FDFT1: variants seen among roughly 807,000 people sequenced by gnomAD.
The protein encoded by FDFT1 is squalene synthase.
A neutral mutation model predicts 46.8 loss-of-function variants in FDFT1; 68 were observed. That is an observed-to-expected ratio of 1.45 (90% CI 1.19 to 1.78). The LOEUF (loss-of-function observed/expected upper bound fraction) is 1.78, where lower values mean the gene tolerates loss of function less well. Ranked by LOEUF, FDFT1 falls within the 40% of genes most tolerant of loss-of-function variation. The pLI, the probability that FDFT1 is intolerant of heterozygous loss-of-function variation, is 0.00. For synonymous variants in FDFT1, 351 were observed against 185.1 expected, an observed-to-expected ratio of 1.90 and a Z score of -7.28; for missense variants, 928 against 524.4, an observed-to-expected ratio of 1.77 and a Z score of -7.52.
chr8:11,808,269 C>A (rs988736500), intron 1 of FDFT1: 5 of 1,215,102 alleles, frequency 4.1e-6, no homozygotes, highest in Non-Finnish European at 5.1e-6. Context: ...GGAGGACGAG[C>A]GAGCCGCTCG....
At chr8:11,806,456 A>G (rs1806846768) in intron 1 of FDFT1, among the ~76,000 whole-genome samples, 1 of 152,196 alleles carries the variant, frequency 6.6e-6, no homozygotes, top group African/African-American at 2.4e-5. Context: ...AGGTGACAGG[A>G]AAAAGAGCAG....
chr8:11,830,220 T>A, intron 5 of FDFT1, 24 bp from the exon 6 acceptor site: 2 of 1,594,692 alleles, frequency 1.3e-6, no homozygotes, highest in Admixed American at 1.7e-5. Context: ...GCTGACCTGT[T>A]CCTTAATCTT....
intron 7 of FDFT1, among the ~76,000 whole-genome samples, chr8:11,833,406 A>G (rs1293316): frequency 0.19 from 29,300 of 152,202 alleles, 3,272 homozygotes; most frequent in Middle Eastern, 0.28. Flanking sequence ...TGCTATATTA[A>G]GCACTATTTA....
intron 4 of FDFT1, among the ~76,000 whole-genome samples, chr8:11,822,854 A>G (rs1391031344): frequency 6.6e-6 from 1 of 152,196 alleles, no homozygotes; most frequent in Non-Finnish European, 1.5e-5. Flanking sequence ...CTGGCCAAGA[A>G]CCAGCACTGG....
chr8:11,808,779 G>A lies in FDFT1; in HGVS notation c.100-15G>A. The A allele has an allele frequency of 7.4e-6, 12 of 1,611,150 alleles. No homozygotes were observed. Among genetic ancestry groups the A allele is most frequent in the Non-Finnish European group, 1.0e-5 (12 of 1,178,932 alleles). ...CTCGACGTCTCCCACCGCCGTGTGT[G>A]TTGTCTGCCCGCAGGACTCGCTCAG... On this transcript the variant is annotated splice_polypyrimidine_tract_variant and intron_variant, in intron 1 of 7. Coordinates refer to ENST00000220584, the MANE Select transcript of FDFT1 (RefSeq NM_004462.5).
At chr8:11,836,539 C>G (rs534097573) in intron 7 of FDFT1, among the ~76,000 whole-genome samples, 1 of 152,358 alleles carries the variant, frequency 6.6e-6, no homozygotes. Context: ...CAAGCCAACT[C>G]AACACATCCT....
chr8:11,811,422 C>T (rs1275972660), intron 3 of FDFT1, among the ~76,000 whole-genome samples: 2 of 152,172 alleles, frequency 1.3e-5, no homozygotes, highest in East Asian at 1.9e-4. Context: ...ATTTCTGGGG[C>T]ATGGGATAAA....
At chr8:11,801,964 C>G (rs373544792), upstream of FDFT1, 2 of 455,582 alleles carry the variant, frequency 4.4e-6, no homozygotes, top group Non-Finnish European at 8.8e-6. Context: ...GTTGCGATTA[C>G]AGGCGTGAGC....
chr8:11,804,809 A>C (rs532004925), intron 1 of FDFT1, among the ~76,000 whole-genome samples: 3 of 150,632 alleles, frequency 2.0e-5, no homozygotes, highest in Admixed American at 2.0e-4. Context: ...GGGTTTCACC[A>C]TGTTGGTGAG....
At chr8:11,834,951 C>A (rs1221136797) in intron 7 of FDFT1, among the ~76,000 whole-genome samples, 1 of 152,176 alleles carries the variant, frequency 6.6e-6, no homozygotes, top group African/African-American at 2.4e-5. Context: ...TGGCAAAACC[C>A]TGTCTCTACT....
intron 4 of FDFT1, among the ~76,000 whole-genome samples, chr8:11,823,668 A>G: frequency 6.6e-6 from 1 of 152,138 alleles, no homozygotes; most frequent in Non-Finnish European, 1.5e-5. Context: ...TCTGGGCTCA[A>G]GCAATCTTCC....
chr8:11,829,988 C>T (rs1258596015), intron 5 of FDFT1, among the ~76,000 whole-genome samples: 4 of 152,104 alleles, frequency 2.6e-5, no homozygotes, highest in Non-Finnish European at 5.9e-5. Context: ...GCTGGGATTA[C>T]AGGCGCCTGC....
intron 7 of FDFT1, among the ~76,000 whole-genome samples, chr8:11,837,414 T>C (rs1372844311): frequency 1.3e-5 from 2 of 152,144 alleles, no homozygotes. Flanking sequence ...GTACATTTTG[T>C]AGAAACAGGG....
At chr8:11,820,988 T>G (rs974056474) in intron 3 of FDFT1, among the ~76,000 whole-genome samples, 1 of 152,248 alleles carries the variant, frequency 6.6e-6, no homozygotes, top group Non-Finnish European at 1.5e-5. Context: ...CTGTTCCTAC[T>G]GGGACATCTT....
In FDFT1 at chr8:11,838,830, A is replaced by G. The variant is rs112278798; in HGVS notation, c.*221A>G. Reference sequence around the variant, plus strand: ...CAACCTGTCCTTGTGGGTGATGATCACTGTGCTGCTTGTGGCTCATGGCAG... The same window carrying G: ...CAACCTGTCCTTGTGGGTGATGATCGCTGTGCTGCTTGTGGCTCATGGCAG... On this transcript the variant is annotated 3_prime_UTR_variant, in exon 8 of 8. Transcript: ENST00000220584. 2,875 of 560,594 alleles carry G rather than the reference A, an allele frequency of 5.1e-3. 66 individuals carry two copies. Among genetic ancestry groups the G allele is most frequent in the African/African-American group, 0.045 (2,383 of 53,180 alleles). 34.7% of individuals were successfully genotyped at this position (560,594 alleles called of 1,614,324 possible). A position where few individuals can be genotyped will look rare whatever the true frequency, so the allele number is the denominator to read the frequency against.
At chr8:11,813,429 T>C (rs1472658264) in intron 3 of FDFT1, among the ~76,000 whole-genome samples, 6 of 152,246 alleles carry the variant, frequency 3.9e-5, no homozygotes, top group African/African-American at 1.4e-4. Context: ...ATAACATCGT[T>C]TAACAGGGAA....
chr8:11,808,744 A>G (rs760997465), intron 1 of FDFT1, 50 bp from the exon 2 acceptor site: 82 of 1,316,164 alleles, frequency 6.2e-5, no homozygotes, highest in Middle Eastern at 3.7e-4. Context: ...TCCCACTCCC[A>G]CTCCTGCTCC....
At chr8:11,828,399 C>T (rs1425051643) in intron 5 of FDFT1, among the ~76,000 whole-genome samples, 3 of 152,236 alleles carry the variant, frequency 2.0e-5, no homozygotes, top group African/African-American at 7.2e-5. Context: ...AGAAACCACT[C>T]TTGTCTTACC....
At chr8:11,824,395 A>G (rs1364517786) in intron 4 of FDFT1, among the ~76,000 whole-genome samples, 1 of 152,212 alleles carries the variant, frequency 6.6e-6, no homozygotes, top group African/African-American at 2.4e-5. Context: ...CGTTGTCTCT[A>G]AAAGAAAAAC....
Sources: allele counts gnomAD v4.1 joint callset (sites outside exome capture counted in the v4.1 genomes callset), GRCh38; gene constraint gnomAD v4.1.1; transcripts MANE v1.5; gene names NCBI Gene and HGNC (gene_info 2026-07-23, HGNC 2026-07-21).